Variants in DCC observed in about 807,000 individuals in gnomAD.
DCC encodes netrin receptor DCC.
Under a neutral mutation model 172.5 loss-of-function variants are expected in DCC, and 58 were observed. That is an observed-to-expected ratio of 0.34 (90% CI 0.27 to 0.42). The LOEUF is 0.42. Ranked by LOEUF, DCC falls within the 10% of genes least tolerant of loss-of-function variation. DCC has a pLI of 1.00. For synonymous variants in DCC, 709 were observed against 644.5 expected, an observed-to-expected ratio of 1.10 and a Z score of -1.52; for missense variants, 1,740 against 1,791.0, an observed-to-expected ratio of 0.97 and a Z score of 0.51.
chr18:53,384,993 C>T (rs1291772056), intron 15 of DCC, among the ~76,000 whole-genome samples: 1 of 150,432 alleles, frequency 6.6e-6, no homozygotes, highest in Non-Finnish European at 1.5e-5. Flanking sequence ...GACTCGGGCA[C>T]CCGCCACAGT....
At chr18:53,031,941 T>G (rs1303092262) in intron 5 of DCC, among the ~76,000 whole-genome samples, 1 of 152,138 alleles carries the variant, frequency 6.6e-6, no homozygotes. Flanking sequence ...AAAAGGGGCA[T>G]TTTGATGTTC....
rs186284589 is a variant in DCC, at chr18:52,599,965, C to T, written c.92-152089C>T. On this transcript the variant is annotated intron_variant, in intron 1 of 28. Transcript: ENST00000442544. ...TTGTCTCTGGGAACCATGCCATCCC[C>T]TTTCTATGGTTCCTAAAGGCCAGTA... Among the ~76,000 whole-genome samples the T allele has an allele frequency of 2.5e-3, 379 of 152,280 alleles. 4 individuals carry two copies. Among genetic ancestry groups the T allele is most frequent in the South Asian group, 0.02 (95 of 4,824 alleles).
Position 52,433,905 on chromosome 18 carries a change from G to T in DCC, c.91+93027G>T, listed in dbSNP as rs534001708. On this transcript the variant is annotated intron_variant, in intron 1 of 28. Coordinates refer to ENST00000442544, the MANE Select transcript of DCC (RefSeq NM_005215.4). ...TGTTGTCTGGTTTCCCTGTGATATAGACCATAAGAGTTGAACCTAAGAATG... is the reference window on the plus strand; with the variant it reads ...TGTTGTCTGGTTTCCCTGTGATATATACCATAAGAGTTGAACCTAAGAATG... Among the ~76,000 whole-genome samples, 6 of 152,202 alleles carry T rather than the reference G, an allele frequency of 3.9e-5. 1 individual carries two copies. In the South Asian group the frequency reaches 1.2e-3, roughly 32 times the overall value.
intron 1 of DCC, among the ~76,000 whole-genome samples, chr18:52,518,783 G>T (rs943077257): frequency 1.5e-4 from 23 of 152,318 alleles, no homozygotes; most frequent in African/African-American, 4.6e-4. Flanking sequence ...AACAGAGCCA[G>T]AGAGACAAAA....
chr18:53,270,081 G>A (rs1361480944), intron 12 of DCC, among the ~76,000 whole-genome samples: 2 of 152,102 alleles, frequency 1.3e-5, no homozygotes, highest in Non-Finnish European at 2.9e-5. Flanking sequence ...TGGAGGGACA[G>A]GTAGTTATGC....
intron 2 of DCC, among the ~76,000 whole-genome samples, chr18:52,897,921 C>T (rs2039755636): frequency 6.6e-6 from 1 of 152,200 alleles, no homozygotes; most frequent in Non-Finnish European, 1.5e-5. Flanking sequence ...CCAAAATGAG[C>T]TTCTACCAAA....
chr18:52,913,053 C>A (rs1374046849), intron 3 of DCC, among the ~76,000 whole-genome samples: 4 of 152,198 alleles, frequency 2.6e-5, no homozygotes, highest in Non-Finnish European at 5.9e-5. Flanking sequence ...TTATTGTGTA[C>A]AACTAAGTTC....
At chr18:52,510,215 C>G (rs753012081) in intron 1 of DCC, among the ~76,000 whole-genome samples, 1 of 152,060 alleles carries the variant, frequency 6.6e-6, no homozygotes, top group Non-Finnish European at 1.5e-5. Flanking sequence ...AACTCAGGAC[C>G]CTTTGAAGAC....
rs147845130 is a variant in DCC at position 53,305,463 on chromosome 18, G to A, written c.1912-115G>A. The A allele has an allele frequency of 2.8e-4, 231 of 837,668 alleles. No homozygotes were observed. The African/African-American group carries it at 3.1e-3, about 11-fold the overall frequency. 51.9% of individuals were successfully genotyped at this position (837,668 alleles called of 1,614,324 possible). On this transcript the variant is annotated intron_variant, in intron 12 of 28. Coordinates refer to ENST00000442544, the MANE Select transcript of DCC (RefSeq NM_005215.4). The stretch of plus-strand genomic sequence containing the variant: ...TTTAATTTGTCTCTAAGTGGCAATC[G>A]CTAACACTTCTTGCTTCTCTGCTTT...
At chr18:53,472,245 A>T (rs968307478) in intron 25 of DCC, among the ~76,000 whole-genome samples, 5 of 152,158 alleles carry the variant, frequency 3.3e-5, no homozygotes, top group Non-Finnish European at 7.4e-5. Flanking sequence ...AGAAGAAAGG[A>T]TTGGAGAGTT....
At chr18:52,642,089 C>CAT (rs1568269870) in intron 1 of DCC, among the ~76,000 whole-genome samples, 3 of 135,600 alleles carry the variant, frequency 2.2e-5, no homozygotes, top group East Asian at 2.5e-4. Flanking sequence ...TACACACACA[C>CAT]ACACACACTC....
chr18:53,020,946 C>T (rs1488782271), intron 5 of DCC, among the ~76,000 whole-genome samples: 1 of 152,116 alleles, frequency 6.6e-6, no homozygotes, highest in Non-Finnish European at 1.5e-5. Context: ...AGTTATGAAA[C>T]CTGGAGTGAG....
At chr18:53,329,370 T>G (rs1422550957) in intron 14 of DCC, among the ~76,000 whole-genome samples, 6 of 152,146 alleles carry the variant, frequency 3.9e-5, no homozygotes, top group Non-Finnish European at 7.4e-5. Flanking sequence ...ATTGAATATT[T>G]GAATATTACA....
chr18:52,827,014 G>A (rs1023477012), intron 2 of DCC, among the ~76,000 whole-genome samples: 3 of 152,130 alleles, frequency 2.0e-5, no homozygotes, highest in Admixed American at 1.3e-4. Context: ...TATATGGGTG[G>A]ATGCACATAG....
intron 15 of DCC, among the ~76,000 whole-genome samples, chr18:53,367,883 A>G (rs1043854716): frequency 5.3e-5 from 8 of 152,232 alleles, no homozygotes; most frequent in African/African-American, 1.9e-4. Flanking sequence ...TAAAGGCTGA[A>G]TAATATTTCA....
intron 9 of DCC, among the ~76,000 whole-genome samples, chr18:53,180,910 G>T (rs1179920098): frequency 6.6e-6 from 1 of 152,096 alleles, no homozygotes; most frequent in African/African-American, 2.4e-5. Context: ...ATCGCGCCCA[G>T]CCCAACATTT....
chr18:53,173,950 G>A (rs2055051500), intron 8 of DCC, among the ~76,000 whole-genome samples: 1 of 99,416 alleles, frequency 1.0e-5, no homozygotes, highest in Admixed American at 1.3e-4. Flanking sequence ...CTCAGCAAAT[G>A]TAAAAGAACA....
chr18:52,873,919 G>A (rs182761029), intron 2 of DCC, among the ~76,000 whole-genome samples: 88 of 152,284 alleles, frequency 5.8e-4, no homozygotes, highest in Middle Eastern at 3.4e-3. Context: ...TATCCAGAGT[G>A]TTTTAGAAAG....
intron 2 of DCC, among the ~76,000 whole-genome samples, chr18:52,804,250 T>TTTATAAG (rs1555665688): frequency 6.6e-6 from 1 of 151,262 alleles, no homozygotes; most frequent in African/African-American, 2.4e-5. Flanking sequence ...TGTATACAAC[T>TTTATAAG]TTAGTTCTCA....
Sources: allele counts gnomAD v4.1 joint callset (sites outside exome capture counted in the v4.1 genomes callset), GRCh38; gene constraint gnomAD v4.1.1; transcripts MANE v1.5; gene names NCBI Gene and HGNC (gene_info 2026-07-23, HGNC 2026-07-21).